CSRNP3: variants seen among roughly 807,000 people sequenced by gnomAD.
CSRNP3 encodes the protein cysteine/serine-rich nuclear protein 3.
In CSRNP3, 12 loss-of-function variants were observed where a neutral mutation model predicts 48.0. The observed-to-expected ratio is 0.25, with a 90% CI of 0.16 to 0.41. The LOEUF is 0.41. CSRNP3 is among the 10% of genes least tolerant of loss of function. The pLI is 1.00. For missense variants in CSRNP3, 580 were observed against 724.4 expected, an observed-to-expected ratio of 0.80 and a Z score of 2.29; for synonymous variants, 263 against 269.7, an observed-to-expected ratio of 0.98 and a Z score of 0.24.
chr2:165,634,810 A>G (rs924702083), intron 4 of CSRNP3, among the ~76,000 whole-genome samples: 1 of 152,260 alleles, frequency 6.6e-6, no homozygotes, highest in African/African-American at 2.4e-5. Context: ...ACTCCAGTAC[A>G]TCCTGCAGAG....
chr2:165,651,599 T>G (rs1484700079), intron 4 of CSRNP3, among the ~76,000 whole-genome samples: 1 of 152,152 alleles, frequency 6.6e-6, no homozygotes, highest in Non-Finnish European at 1.5e-5. Flanking sequence ...CCTATATTCT[T>G]ACCCTGGCAT....
At chr2:165,514,607 T>G (rs1684551111) in intron 2 of CSRNP3, among the ~76,000 whole-genome samples, 1 of 152,230 alleles carries the variant, frequency 6.6e-6, no homozygotes. Flanking sequence ...ACTGGAATGG[T>G]CACCTGCATC....
chr2:165,500,379 GTATATGTA>G (rs1046876733), intron 2 of CSRNP3, among the ~76,000 whole-genome samples: 9 of 147,248 alleles, frequency 6.1e-5, no homozygotes, highest in African/African-American at 2.3e-4. Flanking sequence ...ATGTATATGC[GTATATGTA>G]TATATGTATA....
intron 4 of CSRNP3, among the ~76,000 whole-genome samples, chr2:165,623,045 C>T (rs769506384): frequency 3.9e-5 from 6 of 151,906 alleles, no homozygotes; most frequent in African/African-American, 1.2e-4. Flanking sequence ...GCCACAGATT[C>T]GACCAGCCTT....
chr2:165,570,107 T>C (rs888336059), intron 3 of CSRNP3, among the ~76,000 whole-genome samples: 9 of 152,004 alleles, frequency 5.9e-5, no homozygotes, highest in Non-Finnish European at 8.8e-5. Context: ...CATGACATAC[T>C]TTCCAAAGAC....
chr2:165,620,483 C>A (rs1269162885), intron 4 of CSRNP3, among the ~76,000 whole-genome samples: 1 of 151,846 alleles, frequency 6.6e-6, no homozygotes, highest in East Asian at 1.9e-4. Context: ...ATTAAAAAAC[C>A]ATTGCCACCA....
intron 3 of CSRNP3, among the ~76,000 whole-genome samples, chr2:165,578,750 T>C (rs1685493130): frequency 6.6e-6 from 1 of 152,084 alleles, no homozygotes; most frequent in African/African-American, 2.4e-5. Context: ...GTTTTCTTGA[T>C]AGAAAAAGCT....
At chr2:165,610,174 C>G (rs1686113337) in intron 4 of CSRNP3, among the ~76,000 whole-genome samples, 1 of 152,114 alleles carries the variant, frequency 6.6e-6, no homozygotes, top group Non-Finnish European at 1.5e-5. Flanking sequence ...GTCAGGCGAG[C>G]CTTTGATTCT....
At chr2:165,651,716 C>T (rs1002928536) in intron 4 of CSRNP3, among the ~76,000 whole-genome samples, 4 of 145,692 alleles carry the variant, frequency 2.7e-5, no homozygotes, top group African/African-American at 7.7e-5. Context: ...AGGGCAAAGG[C>T]GTGATCTCAG....
chr2:165,540,015 C>T lies in CSRNP3; in HGVS notation c.-24+22054C>T, dbSNP rs144941236. ...CAAATAAACCCAAAGGATAAAATGC[C>T]AGTAGTGATTGACCTGTAGTCCATC... On this transcript the variant is annotated intron_variant, in intron 3 of 6. Transcript: ENST00000651982. 1.4e-4 allele frequency among the ~76,000 whole-genome samples: 21 copies of T among 152,096 alleles called. No homozygotes were observed. The East Asian group carries it at 4.1e-3, about 30-fold the overall frequency.
chr2:165,490,245 T>A (rs1335696962), intron 1 of CSRNP3, among the ~76,000 whole-genome samples: 1 of 150,836 alleles, frequency 6.6e-6, no homozygotes, highest in Non-Finnish European at 1.5e-5. Context: ...TTACAAGGGA[T>A]GTGAAGGACC....
At chr2:165,666,765 GAAA>G in intron 5 of CSRNP3, among the ~76,000 whole-genome samples, 1 of 135,556 alleles carries the variant, frequency 7.4e-6, no homozygotes, top group Non-Finnish European at 1.6e-5. Flanking sequence ...GAGAGAGGAA[GAAA>G]GAAAGAGAAA....
At chr2:165,486,090 A>G (rs1574797505) in intron 1 of CSRNP3, among the ~76,000 whole-genome samples, 1 of 152,248 alleles carries the variant, frequency 6.6e-6, no homozygotes, top group South Asian at 2.1e-4. Context: ...GGGTGCGCGC[A>G]CCGTGCGCGA....
At chr2:165,672,354 C>T (rs1333159285) in intron 5 of CSRNP3, among the ~76,000 whole-genome samples, 2 of 152,192 alleles carry the variant, frequency 1.3e-5, no homozygotes, top group Admixed American at 1.3e-4. Flanking sequence ...CTCACAGTTC[C>T]ACGTGGCTGG....
At chr2:165,674,868 G>A (rs943285938) in intron 5 of CSRNP3, among the ~76,000 whole-genome samples, 1 of 151,308 alleles carries the variant, frequency 6.6e-6, no homozygotes, top group Non-Finnish European at 1.5e-5. Context: ...CCACCACCAT[G>A]CCCAGCTAAT....
chr2:165,597,618 A>C (rs1028706046), intron 4 of CSRNP3, among the ~76,000 whole-genome samples: 1 of 152,138 alleles, frequency 6.6e-6, no homozygotes, highest in Non-Finnish European at 1.5e-5. Context: ...ATGATGTAAA[A>C]GTATTAAACT....
chr2:165,647,527 A>G (rs540517739), intron 4 of CSRNP3, among the ~76,000 whole-genome samples: 1 of 152,234 alleles, frequency 6.6e-6, no homozygotes, highest in Non-Finnish European at 1.5e-5. Context: ...GTGGAGAGAG[A>G]AAGGAGCTGA....
chr2:165,665,682 C>A (rs1290239671), intron 5 of CSRNP3, among the ~76,000 whole-genome samples: 1 of 151,612 alleles, frequency 6.6e-6, no homozygotes, highest in Non-Finnish European at 1.5e-5. Flanking sequence ...ATCACTTGGG[C>A]CCTGGAGTTC....
At chr2:165,545,669 G>C (rs1685014772) in intron 3 of CSRNP3, among the ~76,000 whole-genome samples, 1 of 151,940 alleles carries the variant, frequency 6.6e-6, no homozygotes, top group South Asian at 2.1e-4. Context: ...CTGTGTACCT[G>C]GTGCCTAGGA....
Sources: allele counts gnomAD v4.1 joint callset (sites outside exome capture counted in the v4.1 genomes callset), GRCh38; gene constraint gnomAD v4.1.1; transcripts MANE v1.5; gene names NCBI Gene and HGNC (gene_info 2026-07-23, HGNC 2026-07-21).